The following HECTD2 variants were observed in gnomAD, a reference collection of about 807,000 sequenced individuals.
HECTD2 encodes the protein HECT domain E3 ubiquitin protein ligase 2, also known as probable E3 ubiquitin-protein ligase HECTD2.
A neutral mutation model predicts 103.2 loss-of-function variants in HECTD2; 35 were observed. The ratio of observed to expected loss-of-function variants is 0.34; its 90% CI spans 0.26 to 0.45. The LOEUF (loss-of-function observed/expected upper bound fraction) is 0.45. Among genes scored for constraint, HECTD2 ranks in the 20% least tolerant of loss-of-function variants. The pLI is 1.00. For synonymous variants in HECTD2, 281 were observed against 329.9 expected (o/e 0.85, Z 1.61); for missense variants, 596 against 937.4 (o/e 0.64, Z 4.76).
intron 1 of HECTD2, among the ~76,000 whole-genome samples, chr10:91,414,664 A>G (rs2132968791): frequency 6.6e-6 from 1 of 152,330 alleles, no homozygotes; most frequent in Non-Finnish European, 1.5e-5. Context: ...AGTAAAGGTA[A>G]TTATTTAAGC....
rs199855841 is a variant in HECTD2, at chr10:91,484,633, C to T, written c.948C>T (p.Ala316=). 71 of 1,607,608 alleles carry T rather than the reference C, an allele frequency of 4.4e-5. No homozygotes were observed. Among genetic ancestry groups the T allele is most frequent in the Non-Finnish European group, 5.3e-5 (63 of 1,177,850 alleles). ...ITKCSWWIPS[A]AKVLALLNTA... ...AGTGTTCCTGGTGGATTCCATCAGC[C>T]GCTAAAGTGTTGGCTTTACTTAGTA... The change falls in exon 9 of 21, where the codon GCC becomes GCT. Residue 316 remains alanine, a synonymous_variant. Transcript: ENST00000298068.
chr10:91,437,965 A>T (rs1215148007), intron 2 of HECTD2, among the ~76,000 whole-genome samples: 1 of 152,014 alleles, frequency 6.6e-6, no homozygotes, highest in African/African-American at 2.4e-5. Flanking sequence ...TAAAAAAACA[A>T]TTTATTAGAG....
intron 20 of HECTD2, among the ~76,000 whole-genome samples, chr10:91,508,277 C>G (rs1245235068): frequency 3.0e-5 from 4 of 135,094 alleles, no homozygotes; most frequent in Non-Finnish European, 6.3e-5. Flanking sequence ...CAAATGGGAT[C>G]TAATTAAACT....
chr10:91,496,549 T>C (rs1338740234), intron 15 of HECTD2, among the ~76,000 whole-genome samples, 177 bp downstream of exon 15: 1 of 152,232 alleles, frequency 6.6e-6, no homozygotes, highest in African/African-American at 2.4e-5. Flanking sequence ...GTCACCCACT[T>C]TGCAGTGCTC....
chr10:91,421,022 C>A (rs577759541), intron 1 of HECTD2, among the ~76,000 whole-genome samples: 1 of 152,216 alleles, frequency 6.6e-6, no homozygotes, highest in East Asian at 1.9e-4. Context: ...TCCCTCAAAC[C>A]TTTGCATTCT....
chr10:91,435,008 A>G (rs1031189107), intron 2 of HECTD2, among the ~76,000 whole-genome samples: 8 of 152,002 alleles, frequency 5.3e-5, no homozygotes, highest in Non-Finnish European at 1.0e-4. Flanking sequence ...ATCATGGGGC[A>G]GGAACATTAC....
intron 1 of HECTD2, among the ~76,000 whole-genome samples, chr10:91,419,386 A>G (rs543094811): frequency 5.3e-5 from 8 of 152,186 alleles, no homozygotes; most frequent in Admixed American, 1.3e-4. Flanking sequence ...AAAATATTTA[A>G]CTATATGTTA....
chr10:91,450,147 G>C (rs890397696), intron 2 of HECTD2, among the ~76,000 whole-genome samples: 8 of 152,148 alleles, frequency 5.3e-5, no homozygotes, highest in African/African-American at 1.7e-4. Flanking sequence ...ACAGTAACCA[G>C]AATAGCACAG....
chr10:91,409,650 C>T (rs74887456), upstream of HECTD2, among the ~76,000 whole-genome samples: 2,217 of 152,276 alleles, frequency 0.015, 49 homozygotes, highest in African/African-American at 0.051. Flanking sequence ...TCCTCCCCAC[C>T]TCCAGGCTTT....
At chr10:91,501,889 C>CAAAT in intron 20 of HECTD2, among the ~76,000 whole-genome samples, 1 of 151,924 alleles carries the variant, frequency 6.6e-6, no homozygotes, top group East Asian at 1.9e-4. Flanking sequence ...CTCCTTTTCC[C>CAAAT]AAATAACTTA....
chr10:91,455,666 G>C (rs1845055165), intron 2 of HECTD2, among the ~76,000 whole-genome samples: 1 of 152,044 alleles, frequency 6.6e-6, no homozygotes, highest in Admixed American at 6.6e-5. Context: ...GTCCTGAATG[G>C]TATTGCCTAG....
At position 91,487,812 on chromosome 10, in the gene HECTD2, T is replaced by A; in HGVS notation, c.1191+34T>A. On this transcript the variant is annotated intron_variant, in intron 11 of 20. Transcript: ENST00000298068. The surrounding 1 kb of genome is among the most constrained non-coding windows in gnomAD (Gnocchi z 4.1). Reference sequence around the variant, plus strand: ...GCTATAAAAACATATTTATGCTGACTATAATCAGTATAGTAAATAATTTAA... The same window carrying A: ...GCTATAAAAACATATTTATGCTGACAATAATCAGTATAGTAAATAATTTAA... 1 of 1,062,896 alleles carries A rather than the reference T, an allele frequency of 9.4e-7. No individual in the cohort carries two copies. The highest frequency in any genetic ancestry group is 1.4e-6 in the Non-Finnish European group (1 of 703,280). 65.8% of individuals were successfully genotyped at this position (1,062,896 alleles called of 1,614,324 possible). A position where few individuals can be genotyped will look rare whatever the true frequency, so the allele number is the denominator to read the frequency against.
At chr10:91,425,153 A>G in intron 1 of HECTD2, 128 bp from the exon 2 acceptor site, 1 of 712,178 alleles carries the variant, frequency 1.4e-6, no homozygotes. Flanking sequence ...AGTCAAATTT[A>G]TATACGTTTT....
intron 2 of HECTD2, among the ~76,000 whole-genome samples, chr10:91,429,096 G>T (rs1843717453): frequency 6.6e-6 from 1 of 151,932 alleles, no homozygotes; most frequent in Admixed American, 6.5e-5. Flanking sequence ...AAGGGTTGTT[G>T]AATTTTGTCA....
intron 12 of HECTD2, 145 bp from the exon 13 acceptor site, chr10:91,492,207 C>A: frequency 1.3e-6 from 1 of 753,872 alleles, no homozygotes; most frequent in South Asian, 1.6e-5. Flanking sequence ...CAGTGTCTGG[C>A]AGATTTATTG....
rs776477108 is a variant in HECTD2 at position 91,487,706 on chromosome 10, C to T, written c.1119C>T (p.Phe373=). The change falls in exon 11 of 21, where the codon TTC becomes TTT. Residue 373 remains phenylalanine, a synonymous_variant. Transcript: ENST00000298068. The surrounding 1 kb of genome is among the most constrained non-coding windows in gnomAD (Gnocchi z 4.1). ...SHRFSFCQYP[F]VISVAAKKII... is the part of the protein sequence containing the mutation. ...GGTTTTCCTTCTGTCAGTACCCATTCGTTATTTCTGTAGCTGCAAAAAAAA... is the reference window on the plus strand; with the variant it reads ...GGTTTTCCTTCTGTCAGTACCCATTTGTTATTTCTGTAGCTGCAAAAAAAA... 6 of 1,611,150 alleles carry T rather than the reference C, an allele frequency of 3.7e-6. No individual in the cohort carries two copies. Among genetic ancestry groups the T allele is most frequent in the South Asian group, 2.2e-5 (2 of 91,004 alleles).
At chr10:91,510,714 T>C (rs1026816298) in intron 20 of HECTD2, among the ~76,000 whole-genome samples, 2 of 152,202 alleles carry the variant, frequency 1.3e-5, no homozygotes, top group Non-Finnish European at 2.9e-5. Context: ...AAAAATATAT[T>C]AAAAAACTGA....
chr10:91,422,358 A>G (rs1843392483), intron 1 of HECTD2, among the ~76,000 whole-genome samples: 1 of 152,174 alleles, frequency 6.6e-6, no homozygotes. Context: ...ATTATTGTAG[A>G]TGTTTACAGC....
chr10:91,496,819 T>G lies in HECTD2; in HGVS notation c.1680+447T>G, dbSNP rs546085259. On this transcript the variant is annotated intron_variant, in intron 15 of 20. Coordinates refer to ENST00000298068, the MANE Select transcript of HECTD2 (RefSeq NM_182765.6). ...GAAAATCATTCTAATCATGCTATTA[T>G]TTACCTTTTTCTAATAATTTAAAAT... is the stretch of plus-strand genomic sequence containing the variant. Among the ~76,000 whole-genome samples, 127 of 152,156 alleles carry G rather than the reference T, an allele frequency of 8.3e-4. 1 individual carries two copies. The highest frequency in any genetic ancestry group is 2.9e-3 in the African/African-American group (119 of 41,564).
Sources: allele counts gnomAD v4.1 joint callset (sites outside exome capture counted in the v4.1 genomes callset), GRCh38; gene constraint gnomAD v4.1.1; non-coding constraint Gnocchi (gnomAD v3.1); transcripts MANE v1.5; gene names NCBI Gene and HGNC (gene_info 2026-07-23, HGNC 2026-07-21).